SORCS2: variants seen among roughly 807,000 people sequenced by gnomAD.
SORCS2 encodes VPS10 domain-containing receptor SorCS2.
SORCS2 carries 100 observed loss-of-function variants against 141.6 expected under a neutral mutation model. That is an observed-to-expected ratio of 0.71 (90% CI 0.60 to 0.83). The LOEUF (loss-of-function observed/expected upper bound fraction) is 0.83. Ranked by LOEUF, SORCS2 falls within the 40% of genes least tolerant of loss-of-function variation. The probability of loss-of-function intolerance (pLI) is 0.00; values close to 1 mark genes in which losing one functional copy is unlikely to be tolerated. For missense variants in SORCS2, 1,646 were observed against 1,560.2 expected (o/e 1.05, Z -0.93); for synonymous variants, 789 against 676.9 (o/e 1.17, Z -2.57).
At chr4:7,418,721 T>G (rs895568279) in intron 2 of SORCS2, among the ~76,000 whole-genome samples, 1 of 138,832 alleles carries the variant, frequency 7.2e-6, no homozygotes, top group Non-Finnish European at 1.6e-5. Context: ...CCCACCAGAT[T>G]TGTAGATTAA....
At chr4:7,571,203 C>T (rs1424447866) in intron 3 of SORCS2, among the ~76,000 whole-genome samples, 1 of 152,240 alleles carries the variant, frequency 6.6e-6, no homozygotes, top group African/African-American at 2.4e-5. Context: ...CGCAGATGCT[C>T]TCTGCGCATC....
intron 3 of SORCS2, among the ~76,000 whole-genome samples, chr4:7,606,245 T>C (rs1396444403): frequency 1.3e-5 from 2 of 152,164 alleles, no homozygotes; most frequent in African/African-American, 4.8e-5. Flanking sequence ...CTCCTGTAAA[T>C]AACAATTTGC....
chr4:7,298,917 C>T (rs1474647162), intron 1 of SORCS2, among the ~76,000 whole-genome samples: 2 of 152,252 alleles, frequency 1.3e-5, no homozygotes, highest in African/African-American at 4.8e-5. Context: ...AGTGTTTGTC[C>T]TCTTCTGGGA....
chr4:7,665,223 G>C (rs1461889726), intron 7 of SORCS2, among the ~76,000 whole-genome samples: 3 of 152,136 alleles, frequency 2.0e-5, no homozygotes. Flanking sequence ...CCATGTCTCA[G>C]CCACACTTGG....
At chr4:7,331,173 G>A (rs1719633174) in intron 1 of SORCS2, among the ~76,000 whole-genome samples, 1 of 152,170 alleles carries the variant, frequency 6.6e-6, no homozygotes, top group Non-Finnish European at 1.5e-5. Flanking sequence ...CATGGTGGGG[G>A]GGCTTCACCC....
intron 2 of SORCS2, among the ~76,000 whole-genome samples, chr4:7,517,584 C>T (rs547552685): frequency 3.3e-5 from 5 of 152,126 alleles, no homozygotes; most frequent in South Asian, 2.1e-4. Context: ...AACTGGCATA[C>T]GAAAATGTTA....
At chr4:7,380,158 C>T (rs915373722) in intron 1 of SORCS2, among the ~76,000 whole-genome samples, 11 of 152,208 alleles carry the variant, frequency 7.2e-5, no homozygotes, top group South Asian at 2.1e-4. Context: ...CTGTCAGAGA[C>T]GTGCTCAGCC....
chr4:7,372,452 A>G (rs4044946), intron 1 of SORCS2, among the ~76,000 whole-genome samples: 88,912 of 151,266 alleles, frequency 0.59, 26,294 homozygotes, highest in African/African-American at 0.61. Context: ...GATTACAGGC[A>G]CCTGCTACCA....
intron 3 of SORCS2, among the ~76,000 whole-genome samples, chr4:7,624,094 A>C (rs2108834912): frequency 6.6e-6 from 1 of 152,338 alleles, no homozygotes; most frequent in Non-Finnish European, 1.5e-5. Context: ...GGCATACAGA[A>C]GTGCTCAATA....
chr4:7,413,681 C>T (rs1465604261), intron 2 of SORCS2, among the ~76,000 whole-genome samples: 6 of 152,140 alleles, frequency 3.9e-5, no homozygotes, highest in Non-Finnish European at 7.3e-5. Flanking sequence ...AGCCACTGCA[C>T]CTGACCCACA....
chr4:7,338,342 G>A (rs1038162683), intron 1 of SORCS2, among the ~76,000 whole-genome samples: 1 of 151,078 alleles, frequency 6.6e-6, no homozygotes, highest in African/African-American at 2.4e-5. Context: ...TGGCTGGCTG[G>A]ATGGATGTCA....
rs995270536 is a variant in SORCS2 at position 7,734,380 on chromosome 4, GC to G, written c.3311+9del. 1 of 1,511,230 alleles carries G rather than the reference GC, an allele frequency of 6.6e-7. No homozygotes were observed. The highest frequency in any genetic ancestry group is 1.4e-5 in the African/African-American group (1 of 72,292). 93.6% of individuals were successfully genotyped at this position (1,511,230 alleles called of 1,614,324 possible). On this transcript the variant is annotated splice_region_variant and intron_variant, in intron 25 of 26. Coordinates refer to ENST00000507866, the MANE Select transcript of SORCS2 (RefSeq NM_020777.3). Reference sequence around the variant, plus strand: ...ATCCTCTACAAGTTCAAAAGGCAAGGCCCTTGGCTGCCCTCCTCTGCGGGGC... The same window carrying G: ...ATCCTCTACAAGTTCAAAAGGCAAGGCCTTGGCTGCCCTCCTCTGCGGGGC...
At chr4:7,546,802 C>T (rs992688223) in intron 3 of SORCS2, among the ~76,000 whole-genome samples, 1 of 152,216 alleles carries the variant, frequency 6.6e-6, no homozygotes, top group Non-Finnish European at 1.5e-5. Context: ...ATAGGCTGTG[C>T]TTGCCGTAGC....
At chr4:7,553,060 G>A (rs978861897) in intron 3 of SORCS2, among the ~76,000 whole-genome samples, 1 of 152,124 alleles carries the variant, frequency 6.6e-6, no homozygotes, top group Non-Finnish European at 1.5e-5. Context: ...GCACAAAATG[G>A]ACACTGCAGG....
chr4:7,508,317 A>C (rs188410718), intron 2 of SORCS2, among the ~76,000 whole-genome samples: 1 of 147,676 alleles, frequency 6.8e-6, no homozygotes, highest in African/African-American at 2.5e-5. Context: ...CTTATCTGTG[A>C]CAATGGTTAC....
intron 3 of SORCS2, among the ~76,000 whole-genome samples, chr4:7,540,357 G>A (rs1482031771): frequency 6.6e-6 from 1 of 152,034 alleles, no homozygotes; most frequent in Non-Finnish European, 1.5e-5. Context: ...GGGTCCCGTG[G>A]ACATAGGACC....
At chr4:7,718,853 A>T (rs1349584159) in intron 18 of SORCS2, among the ~76,000 whole-genome samples, 1 of 152,250 alleles carries the variant, frequency 6.6e-6, no homozygotes, top group Non-Finnish European at 1.5e-5. Context: ...CCTCCGTGGT[A>T]ACAACTGTTA....
chr4:7,657,886 ATGAG>A (rs1179290273), intron 5 of SORCS2, among the ~76,000 whole-genome samples: 1 of 145,006 alleles, frequency 6.9e-6, no homozygotes, highest in African/African-American at 2.6e-5. Context: ...CACTGAGTGA[ATGAG>A]TGAGTGAGTG....
At position 7,511,608 on chromosome 4, in the gene SORCS2, G is replaced by A. The variant is rs187220863; in HGVS notation, c.549-19922G>A. Among the ~76,000 whole-genome samples the A allele has an allele frequency of 1.2e-3, 177 of 152,290 alleles. 1 individual carries two copies. The Middle Eastern group carries it at 0.017, about 15-fold the overall frequency. ...GGGCAGAGAGATGGACGCTGGGTGC[G>A]TGTTTCTGCAGAGCTGGCCTGGGCG... On this transcript the variant is annotated intron_variant, in intron 2 of 26. Transcript: ENST00000507866.
Sources: allele counts gnomAD v4.1 joint callset (sites outside exome capture counted in the v4.1 genomes callset), GRCh38; gene constraint gnomAD v4.1.1; transcripts MANE v1.5; gene names NCBI Gene and HGNC (gene_info 2026-07-23, HGNC 2026-07-21).